The following PCSK7 variants were observed in gnomAD, a reference collection of about 807,000 sequenced individuals.
PCSK7 encodes proprotein convertase subtilisin/kexin type 7.
In PCSK7, 38 loss-of-function variants were observed where a neutral mutation model predicts 73.3. The ratio of observed to expected loss-of-function variants is 0.52; its 90% CI spans 0.40 to 0.68. The LOEUF (loss-of-function observed/expected upper bound fraction) is 0.68. Among genes scored for constraint, PCSK7 ranks in the 30% least tolerant of loss-of-function variants. The pLI is 0.00. For missense variants in PCSK7, 692 were observed against 991.5 expected (o/e 0.70, Z 4.06); for synonymous variants, 296 against 383.8 (o/e 0.77, Z 2.68).
At chr11:117,227,135 C>T in intron 5 of PCSK7, 22 bp downstream of exon 5, 4 of 1,575,972 alleles carry the variant, frequency 2.5e-6, no homozygotes, top group Non-Finnish European at 3.5e-6. Flanking sequence ...CCTACCAAGG[C>T]TAGGCTGGAG....
Position 117,206,198 on chromosome 11 carries a change from C to T in PCSK7, c.2157G>A (p.Glu719=). 1 of 1,614,134 alleles carries T rather than the reference C, an allele frequency of 6.2e-7. No individual in the cohort carries two copies. Among genetic ancestry groups the T allele is most frequent in the Admixed American group, 1.7e-5 (1 of 60,020 alleles). ...RSRKAKEEGT[E]LESVPLCSSK... is the part of the protein sequence containing the mutation. ...TGCTGCAAAGTGGCACTGATTCTAGCTCTGTCCCTTCCTCCTTGGCTTTCC... is the reference window on the plus strand; with the variant it reads ...TGCTGCAAAGTGGCACTGATTCTAGTTCTGTCCCTTCCTCCTTGGCTTTCC... Residue 719 remains glutamate (E), a synonymous_variant, in exon 17 of 17, where the codon GAG becomes GAA. Transcript: ENST00000320934.
intron 12 of PCSK7, chr11:117,214,309 G>A (rs1284121557): frequency 1.3e-5 from 2 of 152,066 alleles, no homozygotes; most frequent in African/African-American, 4.8e-5. Context: ...CCTTTCCACT[G>A]GTGAAGGATC....
chr11:117,212,528 C>G (rs889215334), intron 12 of PCSK7: 2 of 151,592 alleles, frequency 1.3e-5, no homozygotes, highest in African/African-American at 4.8e-5. Flanking sequence ...GCCTCAGCCT[C>G]CCACCTCCCA....
intron 5 of PCSK7, chr11:117,226,268 T>G (rs950380144): frequency 9.9e-6 from 5 of 503,890 alleles, no homozygotes; most frequent in African/African-American, 9.6e-5. Context: ...TCGAAGTAGC[T>G]GGGACTACAG....
At chr11:117,228,425 C>T (rs1433262877) in intron 3 of PCSK7, 75 bp from the exon 4 acceptor site, 1 of 1,348,614 alleles carries the variant, frequency 7.4e-7, no homozygotes, top group Non-Finnish European at 1.1e-6. Context: ...AGCTAGCAGC[C>T]CCTTTTCACC....
chr11:117,225,876 G>C, intron 6 of PCSK7, 55 bp downstream of exon 6: 3 of 1,159,954 alleles, frequency 2.6e-6, no homozygotes, highest in Non-Finnish European at 3.9e-6. Context: ...TTTTGTTGGC[G>C]GATTTGTCCC....
chr11:117,227,279 G>T lies in PCSK7; in HGVS notation c.647C>A (p.Pro216His). The T allele has an allele frequency of 6.2e-7, 1 of 1,613,858 alleles. No homozygotes were observed. Among genetic ancestry groups the T allele is most frequent in the Non-Finnish European group, 8.5e-7 (1 of 1,179,758 alleles). ...SYDLNSNDPD[P>H]MPHPDVENGN... Reference sequence around the variant, plus strand: ...ATTCTCCACATCCGGGTGGGGCATGGGGTCAGGGTCATTAGAGTTGAGGTC... The same window carrying T: ...ATTCTCCACATCCGGGTGGGGCATGTGGTCAGGGTCATTAGAGTTGAGGTC... Residue 216 changes from proline to histidine, a missense_variant, in exon 5 of 17, where the codon CCC becomes CAC. Transcript: ENST00000320934.
intron 1 of PCSK7, chr11:117,231,056 T>TC: frequency 1.3e-5 from 1 of 76,926 alleles, no homozygotes; most frequent in African/African-American, 5.0e-5. Context: ...TCAGGAGCCC[T>TC]CAAAAAAAAA....
Position 117,204,760 on chromosome 11 carries a change from C to CAA in PCSK7, c.*1235_*1236dup, listed in dbSNP as rs36014587. 2,795 of 174,770 alleles carry CAA rather than the reference C, an allele frequency of 0.016. 40 individuals are homozygous for CAA. Among genetic ancestry groups the CAA allele is most frequent in the African/African-American group, 0.05 (1,789 of 35,930 alleles). The allele number at this position is 174,770 out of a possible 1,614,324, so 10.8% of individuals were successfully genotyped here. A position where few individuals can be genotyped will look rare whatever the true frequency, so the allele number is the denominator to read the frequency against. On this transcript the variant is annotated 3_prime_UTR_variant, in exon 17 of 17. Transcript: ENST00000320934. ...CTGGAATATTTTTGGGGTTGGAACT[C>CAA]AAAAAAAAAAAAAAAAAATCAATCT...
chr11:117,221,777 G>C (rs1436317064), intron 9 of PCSK7: 1 of 152,280 alleles, frequency 6.6e-6, no homozygotes, highest in African/African-American at 2.4e-5. Context: ...GGCAGGGCGA[G>C]CTGGGTTCCC....
chr11:117,215,360 T>G (rs2031916722), intron 12 of PCSK7: 1 of 84,180 alleles, frequency 1.2e-5, no homozygotes, highest in Non-Finnish European at 1.9e-5. Context: ...CATGCCTGGC[T>G]AATTTGTGTG....
Position 117,205,741 on chromosome 11 carries a change from CA to C in PCSK7, c.*255del, listed in dbSNP as rs1373176283. 2 of 388,636 alleles carry C rather than the reference CA, an allele frequency of 5.1e-6. No homozygotes were observed. The highest frequency in any genetic ancestry group is 4.2e-5 in the Admixed American group (1 of 24,016). 24.1% of individuals were successfully genotyped at this position (388,636 alleles called of 1,614,324 possible). ...AGAGAGATGAGGATGGAGGCCAAAC[CA>C]AAGGGGGGCGCCAATCCCCTGTCCA... On this transcript the variant is annotated 3_prime_UTR_variant, in exon 17 of 17. Transcript: ENST00000320934.
Position 117,213,405 on chromosome 11 carries a change from G to C in PCSK7, c.1535-4352C>G, listed in dbSNP as rs917303693. The C allele has an allele frequency of 6.6e-5, 10 of 152,200 alleles. 1 individual carries two copies. The highest frequency in any genetic ancestry group is 5.9e-4 in the Admixed American group (9 of 15,290). 9.4% of individuals were successfully genotyped at this position (152,200 alleles called of 1,614,324 possible). The stretch of plus-strand genomic sequence containing the variant: ...CAAGTTTGGGGGCCTAGGGAACGGT[G>C]ACGGCACTGACACGAATGGGAAAAT... On this transcript the variant is annotated intron_variant, in intron 12 of 16. Transcript: ENST00000320934.
intron 9 of PCSK7, 181 bp from the exon 10 acceptor site, chr11:117,219,939 A>G (rs1303816282): frequency 2.1e-6 from 1 of 469,868 alleles, no homozygotes; most frequent in Non-Finnish European, 3.8e-6. Context: ...ATCTTTAAAA[A>G]ATAAAAAAAG....
intron 5 of PCSK7, chr11:117,226,839 G>GAGCTGGGA (rs1331360901): frequency 4.0e-6 from 1 of 247,382 alleles, no homozygotes; most frequent in Non-Finnish European, 7.7e-6. Context: ...GTGGGACTGG[G>GAGCTGGGA]AGCTGGGGAG....
chr11:117,230,836 G>T (rs557223220), intron 1 of PCSK7, among the ~76,000 whole-genome samples: 1 of 152,112 alleles, frequency 6.6e-6, no homozygotes, highest in Non-Finnish European at 1.5e-5. Flanking sequence ...GGAGGGAGGC[G>T]GCGGGGGCGA....
rs2134335093 is a variant in PCSK7, at chr11:117,229,585, C to T, written c.260G>A (p.Gly87Glu). 6.2e-7 allele frequency: 1 copy of T among 1,614,126 alleles called. No homozygotes were observed. Among genetic ancestry groups the T allele is most frequent in the East Asian group, 2.2e-5 (1 of 44,886 alleles). Residue 87 changes from glycine (G) to glutamate (E), a missense_variant, in exon 3 of 17, where the codon GGA becomes GAA. Gly to Glu is a moderately conservative substitution (Grantham distance 98). This residue lies in a region of PCSK7 where 574 missense variants were observed against 689.8 expected (regional missense o/e 0.83). Coordinates refer to ENST00000320934, the MANE Select transcript of PCSK7 (RefSeq NM_004716.4). ...GTGCCCCTGAAGCTCTCCGATGCGT[C>T]CAGCATTCACCAGCCCTGCTGCCTG... ...LAQAAGLVNA[G>E]RIGELQGHYL...
intron 6 of PCSK7, chr11:117,224,964 T>TC (rs1426147080): frequency 1.7e-6 from 1 of 579,812 alleles, no homozygotes; most frequent in Admixed American, 3.0e-5. Context: ...CTAAGGCTCT[T>TC]CTTTTCCTTG....
rs2032602698 is a variant in PCSK7 at position 117,230,466 on chromosome 11, G to C, written c.-130C>G. On this transcript the variant is annotated splice_region_variant and 5_prime_UTR_variant, in exon 2 of 17. Coordinates refer to ENST00000320934, the MANE Select transcript of PCSK7 (RefSeq NM_004716.4). ...TAGTGTTGACTCAGCAAAGGCTACA[G>C]ACCTGTGGGATCCAAGAACAGAAGA... 6.6e-6 allele frequency: 1 copy of C among 152,334 alleles called. No homozygotes were observed. Among genetic ancestry groups the C allele is most frequent in the South Asian group, 2.1e-4 (1 of 4,832 alleles). 9.4% of individuals were successfully genotyped at this position (152,334 alleles called of 1,614,324 possible). A position where few individuals can be genotyped will look rare whatever the true frequency, so the allele number is the denominator to read the frequency against.
Sources: gnomAD v4.1 joint callset for allele counts (sites outside exome capture counted in the v4.1 genomes callset) on GRCh38, gnomAD v4.1.1 for gene constraint, gnomAD v4.1.1 regional missense constraint, MANE v1.5 for transcripts, NCBI Gene and HGNC (gene_info 2026-07-23, HGNC 2026-07-21) for gene names.